The following MRPS28 variants were observed in gnomAD, a reference collection of about 807,000 sequenced individuals.
The protein encoded by MRPS28 is small ribosomal subunit protein bS1m.
A neutral mutation model predicts 10.8 loss-of-function variants in MRPS28; 7 were observed. The ratio of observed to expected loss-of-function variants is 0.65; its 90% CI spans 0.37 to 1.22. MRPS28 has a LOEUF of 1.22. Among genes scored for constraint, MRPS28 ranks in the 50% most tolerant of loss-of-function variants. The pLI is 0.02. For synonymous variants in MRPS28, 121 were observed against 93.3 expected, an observed-to-expected ratio of 1.30 and a Z score of -1.71; for missense variants, 265 against 232.9, an observed-to-expected ratio of 1.14 and a Z score of -0.90.
intron 2 of MRPS28, among the ~76,000 whole-genome samples, chr8:79,991,506 T>C (rs1208339687): frequency 1.3e-5 from 2 of 152,140 alleles, no homozygotes; most frequent in Non-Finnish European, 2.9e-5. Flanking sequence ...TTTAGATACC[T>C]AGAATCACAG....
At chr8:80,007,762 G>A (rs1403746311) in intron 1 of MRPS28, among the ~76,000 whole-genome samples, 7 of 152,080 alleles carry the variant, frequency 4.6e-5, no homozygotes, top group East Asian at 1.9e-4. Flanking sequence ...ACTGCTCAAC[G>A]AAATAAAAGA....
intron 2 of MRPS28, among the ~76,000 whole-genome samples, chr8:79,974,808 C>CA (rs1260493131): frequency 1.3e-5 from 2 of 151,350 alleles, no homozygotes; most frequent in African/African-American, 4.9e-5. Flanking sequence ...GTCACCTGGC[C>CA]AATAGTAATT....
At chr8:79,984,944 T>C (rs988716779) in intron 2 of MRPS28, among the ~76,000 whole-genome samples, 22 of 152,184 alleles carry the variant, frequency 1.4e-4, no homozygotes, top group African/African-American at 4.6e-4. Flanking sequence ...ATCTACAGAA[T>C]TCTCCACCCC....
chr8:79,980,475 CAATA>C (rs1222609221), intron 2 of MRPS28, among the ~76,000 whole-genome samples: 1 of 152,148 alleles, frequency 6.6e-6, no homozygotes, highest in African/African-American at 2.4e-5. Flanking sequence ...ATCTAGAAAA[CAATA>C]AATTCTCATT....
intron 2 of MRPS28, among the ~76,000 whole-genome samples, chr8:79,991,994 A>G (rs1808380614): frequency 6.8e-6 from 1 of 147,210 alleles, no homozygotes; most frequent in Admixed American, 6.9e-5. Flanking sequence ...CTATGTTGTG[A>G]GGGCACTCAT....
chr8:79,920,969 G>A (rs1470837009), intron 2 of MRPS28, among the ~76,000 whole-genome samples: 1 of 152,170 alleles, frequency 6.6e-6, no homozygotes, highest in Non-Finnish European at 1.5e-5. Flanking sequence ...TTTTGTATAA[G>A]GTGTTAAGAA....
At chr8:79,999,480 A>AT (rs1808598994) in intron 2 of MRPS28, among the ~76,000 whole-genome samples, 1 of 152,248 alleles carries the variant, frequency 6.6e-6, no homozygotes, top group South Asian at 2.1e-4. Context: ...TAAGTGACAG[A>AT]TCCCTATAAG....
At chr8:79,986,501 G>T (rs1251181440) in intron 2 of MRPS28, among the ~76,000 whole-genome samples, 1 of 152,198 alleles carries the variant, frequency 6.6e-6, no homozygotes, top group Non-Finnish European at 1.5e-5. Context: ...GTTTGCAGAT[G>T]ACATGATTGT....
chr8:79,999,821 A>G (rs1005336986), intron 2 of MRPS28, among the ~76,000 whole-genome samples: 1 of 152,158 alleles, frequency 6.6e-6, no homozygotes, highest in Non-Finnish European at 1.5e-5. Context: ...GAGGAAGCTG[A>G]AGAGAGAGAG....
intron 2 of MRPS28, among the ~76,000 whole-genome samples, chr8:79,984,644 A>G (rs1392303520): frequency 1.3e-5 from 2 of 152,174 alleles, no homozygotes; most frequent in Non-Finnish European, 2.9e-5. Flanking sequence ...GATAAAACAG[A>G]CTTTAAACCA....
chr8:79,929,894 G>A (rs775876236), intron 2 of MRPS28, among the ~76,000 whole-genome samples: 46 of 151,902 alleles, frequency 3.0e-4, no homozygotes, highest in Non-Finnish European at 6.0e-4. Flanking sequence ...ATAGTTCTCC[G>A]ACACCAGAAA....
intron 1 of MRPS28, among the ~76,000 whole-genome samples, chr8:80,006,670 G>T (rs1808856978): frequency 6.6e-6 from 1 of 152,208 alleles, no homozygotes; most frequent in Admixed American, 6.5e-5. Flanking sequence ...AGAAAATCTA[G>T]AAGAAATGGA....
chr8:80,024,395 T>C (rs976613426), intron 1 of MRPS28, among the ~76,000 whole-genome samples: 13 of 152,162 alleles, frequency 8.5e-5, no homozygotes, highest in African/African-American at 3.1e-4. Flanking sequence ...ACAATGGCAT[T>C]ACACTTAATG....
chr8:79,939,968 C>T (rs991083089), intron 2 of MRPS28, among the ~76,000 whole-genome samples: 3 of 108,046 alleles, frequency 2.8e-5, no homozygotes, highest in East Asian at 5.4e-4. Flanking sequence ...AGCAAGACTC[C>T]GTCTCAAATA....
At chr8:79,927,244 C>A (rs1171519903) in intron 2 of MRPS28, among the ~76,000 whole-genome samples, 1 of 152,224 alleles carries the variant, frequency 6.6e-6, no homozygotes, top group Non-Finnish European at 1.5e-5. Context: ...TAAGGTTGTA[C>A]TTTCATGACC....
rs141833252 is a variant in MRPS28, at chr8:79,940,623, C to T, written c.396-21475G>A. Among the ~76,000 whole-genome samples the T allele has an allele frequency of 5.3e-4, 80 of 152,270 alleles. 1 individual carries two copies. The highest frequency in any genetic ancestry group is 3.5e-3 in the South Asian group (17 of 4,820). On this transcript the variant is annotated intron_variant, in intron 2 of 2. Transcript: ENST00000276585. Reference sequence around the variant, plus strand: ...TGGCTTGTAGCTTTCCCACAGTATCCGGTTGCTGTCTAGGTATACACACAA... The same window carrying T: ...TGGCTTGTAGCTTTCCCACAGTATCTGGTTGCTGTCTAGGTATACACACAA...
chr8:79,952,242 A>C (rs899458095), intron 2 of MRPS28, among the ~76,000 whole-genome samples: 6 of 152,318 alleles, frequency 3.9e-5, no homozygotes, highest in Admixed American at 6.5e-5. Flanking sequence ...AGGTAGAGAG[A>C]AACAATTTTG....
chr8:80,006,299 T>A (rs887696427), intron 1 of MRPS28, among the ~76,000 whole-genome samples: 2 of 152,172 alleles, frequency 1.3e-5, no homozygotes, highest in African/African-American at 4.8e-5. Flanking sequence ...CACAGTGCAA[T>A]CAAACTAGAA....
intron 2 of MRPS28, among the ~76,000 whole-genome samples, chr8:79,992,732 T>C (rs1419897627): frequency 6.6e-6 from 1 of 152,194 alleles, no homozygotes; most frequent in Non-Finnish European, 1.5e-5. Flanking sequence ...GTAAGTAGCA[T>C]AAAGTAGTGG....
Sources: gnomAD v4.1 joint callset for allele counts (sites outside exome capture counted in the v4.1 genomes callset) on GRCh38, gnomAD v4.1.1 for gene constraint, MANE v1.5 for transcripts, NCBI Gene and HGNC (gene_info 2026-07-23, HGNC 2026-07-21) for gene names.